ARFGEF1: variants seen among roughly 807,000 people sequenced by gnomAD.
ARFGEF1 encodes ARF guanine nucleotide exchange factor 1.
ARFGEF1 carries 42 observed loss-of-function variants against 231.0 expected under a neutral mutation model. The ratio of observed to expected loss-of-function variants is 0.18; its 90% CI spans 0.14 to 0.24. The LOEUF (loss-of-function observed/expected upper bound fraction) is 0.24. Among genes scored for constraint, ARFGEF1 ranks in the 10% least tolerant of loss-of-function variants. ARFGEF1 has a pLI of 1.00. For missense variants in ARFGEF1, 1,345 were observed against 2,192.0 expected (o/e 0.61, Z 7.72); for synonymous variants, 710 against 732.3 (o/e 0.97, Z 0.49).
At chr8:67,288,459 G>A (rs1208846327) in intron 6 of ARFGEF1, among the ~76,000 whole-genome samples, 2 of 150,836 alleles carry the variant, frequency 1.3e-5, no homozygotes, top group Admixed American at 6.6e-5. Flanking sequence ...TAGGCTGGGT[G>A]CAGTGGCTCA....
intron 34 of ARFGEF1, 123 bp from the exon 35 acceptor site, chr8:67,204,942 A>G: frequency 8.4e-7 from 1 of 1,190,782 alleles, no homozygotes; most frequent in Non-Finnish European, 1.2e-6. Flanking sequence ...ACTGAGAAGG[A>G]CATACTGCTT....
In ARFGEF1 at chr8:67,301,388, A is replaced by G. The variant is rs1806481860; in HGVS notation, c.156-8T>C. The stretch of plus-strand genomic sequence containing the variant: ...GCTTCTCCATGAGGAGGACTAAATG[A>G]GAAAGAAAAGTCTGATTATAGCGTA... On this transcript the variant is annotated splice_region_variant and splice_polypyrimidine_tract_variant and intron_variant, in intron 2 of 38. Transcript: ENST00000262215. The G allele has an allele frequency of 6.2e-7, 1 of 1,604,360 alleles. No homozygotes were observed. Among genetic ancestry groups the G allele is most frequent in the African/African-American group, 1.3e-5 (1 of 74,352 alleles).
Position 67,296,447 on chromosome 8 carries a change from C to T in ARFGEF1, c.623G>A (p.Arg208His), listed in dbSNP as rs1587249291. ...AATACTTACTGCTTGGTTTTCCATG[C>T]GTGCAAAGATAACATTTAGCATCTG... The part of the protein sequence containing the change: ...LTQMLNVIFA[R>H]MENQALQEAK... The change falls in exon 5 of 39, where the codon CGC (arginine) becomes CAC (histidine). Residue 208 changes from arginine to histidine, a missense_variant. Arg to His is a conservative substitution (Grantham distance 29). Around this residue, in one of 14 missense-constraint regions of ARFGEF1, gnomAD observed 398 missense variants for 463.2 expected, o/e 0.86. Coordinates refer to ENST00000262215, the MANE Select transcript of ARFGEF1 (RefSeq NM_006421.5). 3.7e-6 allele frequency: 6 copies of T among 1,613,578 alleles called. No individual in the cohort carries two copies. Among genetic ancestry groups the T allele is most frequent in the African/African-American group, 1.3e-5 (1 of 74,874 alleles).
At chr8:67,273,496 T>C (rs1805188276) in intron 9 of ARFGEF1, among the ~76,000 whole-genome samples, 1 of 150,598 alleles carries the variant, frequency 6.6e-6, no homozygotes, top group African/African-American at 2.5e-5. Flanking sequence ...GTAAACTTAA[T>C]TGCCCTTGAT....
chr8:67,206,392 A>G (rs1036910682), intron 34 of ARFGEF1, among the ~76,000 whole-genome samples: 2 of 150,642 alleles, frequency 1.3e-5, no homozygotes, highest in Non-Finnish European at 3.0e-5. Context: ...CCTGGGCAAC[A>G]GAGCCAGATT....
chr8:67,343,283 T>C lies in ARFGEF1; in HGVS notation c.5A>G (p.Tyr2Cys), dbSNP rs369779833. The C allele has an allele frequency of 6.2e-7, 1 of 1,611,814 alleles. No homozygotes were observed. Among genetic ancestry groups the C allele is most frequent in the Non-Finnish European group, 8.5e-7 (1 of 1,178,612 alleles). Reference protein sequence around the residue: MYEGKKTKNMFL... With the variant: MCEGKKTKNMFL... ...CATGTTCTTCGTCTTCTTCCCCTCA[T>C]ACATGGACGCAGAGAAGGAGGCGGC... is the stretch of plus-strand genomic sequence containing the variant. The change falls in exon 1 of 39, where the codon TAT (tyrosine) becomes TGT (cysteine). Residue 2 changes from tyrosine (Y) to cysteine (C), a missense_variant. Transcript: ENST00000262215.
intron 1 of ARFGEF1, among the ~76,000 whole-genome samples, chr8:67,321,309 C>CA (rs1807581065): frequency 6.6e-6 from 1 of 152,084 alleles, no homozygotes; most frequent in African/African-American, 2.4e-5. Flanking sequence ...AACAAAAATA[C>CA]AAAGCAAAAT....
intron 1 of ARFGEF1, among the ~76,000 whole-genome samples, chr8:67,309,145 C>G (rs935962115): frequency 6.6e-6 from 1 of 151,968 alleles, no homozygotes; most frequent in Admixed American, 6.6e-5. Flanking sequence ...GAAGATACTA[C>G]GCTAAGTGAA....
intron 36 of ARFGEF1, chr8:67,201,831 A>G: frequency 2.0e-6 from 1 of 494,442 alleles, no homozygotes; most frequent in Admixed American, 3.8e-5. Flanking sequence ...GGGAAGGTGG[A>G]ACCCTTCACA....
rs960856836 is a variant in ARFGEF1 at position 67,175,629 on chromosome 8, T to TA, written c.561-58_561-57insT. 6.1e-5 allele frequency: 43 copies of TA among 708,486 alleles called. No individual in the cohort carries two copies. In the African/African-American group the frequency reaches 6.5e-4, roughly 11 times the overall value. The allele number at this position is 708,486 out of a possible 1,614,324, so 43.9% of individuals were successfully genotyped here. The stretch of plus-strand genomic sequence containing the variant: ...AGAGCTCTGAGTGGCTCCACTAGGG[T>TA]GGTGTATTCATGCATGAGAGGGGCC... On this transcript the variant is annotated intron_variant, in intron 5 of 5. Transcript: ENST00000518789.
intron 1 of ARFGEF1, among the ~76,000 whole-genome samples, chr8:67,342,256 A>G (rs1203080104): frequency 1.3e-5 from 2 of 152,184 alleles, no homozygotes; most frequent in Non-Finnish European, 2.9e-5. Flanking sequence ...TAGATCTAAC[A>G]ATGTTCCCCC....
intron 10 of ARFGEF1, among the ~76,000 whole-genome samples, chr8:67,270,466 G>C (rs1050554726): frequency 1.3e-5 from 2 of 152,016 alleles, no homozygotes; most frequent in Admixed American, 6.6e-5. Flanking sequence ...AGTGAATTAT[G>C]AGTCTTGAGT....
chr8:67,310,516 C>A (rs1179965644), intron 1 of ARFGEF1, among the ~76,000 whole-genome samples: 1 of 152,198 alleles, frequency 6.6e-6, no homozygotes, highest in African/African-American at 2.4e-5. Flanking sequence ...GCCCGGCCAC[C>A]ACCCCATCTG....
intron 33 of ARFGEF1, among the ~76,000 whole-genome samples, chr8:67,215,635 C>G (rs1838900806): frequency 6.6e-6 from 1 of 152,152 alleles, no homozygotes; most frequent in African/African-American, 2.4e-5. Flanking sequence ...GATATGTGAA[C>G]AAGCCAAATA....
chr8:67,182,497 C>T (rs765956635), intron 5 of ARFGEF1, among the ~76,000 whole-genome samples: 10 of 152,182 alleles, frequency 6.6e-5, no homozygotes, highest in Non-Finnish European at 1.2e-4. Context: ...TTTGGGTATA[C>T]ACTAAGAGAT....
At chr8:67,270,737 A>C (rs1805046848) in intron 10 of ARFGEF1, among the ~76,000 whole-genome samples, 1 of 146,526 alleles carries the variant, frequency 6.8e-6, no homozygotes. Context: ...AAAAAAAACC[A>C]CATAAAGCTG....
At position 67,291,885 on chromosome 8, in the gene ARFGEF1, T is replaced by C. The variant is rs1453404737; in HGVS notation, c.878A>G (p.Asn293Ser). 1.2e-6 allele frequency: 2 copies of C among 1,613,996 alleles called. No homozygotes were observed. The highest frequency in any genetic ancestry group is 1.7e-6 in the Non-Finnish European group (2 of 1,179,876). The change falls in exon 6 of 39, where the codon AAT (asparagine) becomes AGT (serine). Residue 293 changes from asparagine to serine, a missense_variant. By Grantham distance (46) the Asn-to-Ser change is conservative (BLOSUM62 1). Coordinates refer to ENST00000262215, the MANE Select transcript of ARFGEF1 (RefSeq NM_006421.5). ...TGCCTGATCAGCTTCAGTCTGTTCA[T>C]TTTCTGCACTGGAAATATCAGATCC... ...ENGSDISSAE[N>S]EQTEADQATA...
At chr8:67,333,655 C>T (rs569377450) in intron 1 of ARFGEF1, among the ~76,000 whole-genome samples, 49 of 151,964 alleles carry the variant, frequency 3.2e-4, no homozygotes, top group African/African-American at 1.2e-3. Flanking sequence ...GTCCATGCTC[C>T]CATGTATGTG....
Position 67,184,406 on chromosome 8 carries a change from C to T in ARFGEF1, c.561-8834G>A, listed in dbSNP as rs555795605. Among the ~76,000 whole-genome samples the T allele has an allele frequency of 2.0e-5, 3 of 152,254 alleles. No individual in the cohort carries two copies. In the East Asian group the frequency reaches 5.8e-4, roughly 29 times the overall value. On this transcript the variant is annotated intron_variant, in intron 5 of 5. Coordinates refer to the ARFGEF1 transcript ENST00000518789. Reference sequence around the variant, plus strand: ...GAAGATCAGTAAGCCTCTAGCCAAGCTAATAAAAGAGAAGACACAAATTAC... The same window carrying T: ...GAAGATCAGTAAGCCTCTAGCCAAGTTAATAAAAGAGAAGACACAAATTAC...
Sources: allele counts gnomAD v4.1 joint callset (sites outside exome capture counted in the v4.1 genomes callset), GRCh38; gene constraint gnomAD v4.1.1; regional missense constraint gnomAD v4.1.1; transcripts MANE v1.5; gene names NCBI Gene and HGNC (gene_info 2026-07-23, HGNC 2026-07-21).